Variants in GPHN observed in about 807,000 individuals in gnomAD.
GPHN encodes gephyrin.
Under a neutral mutation model 95.5 loss-of-function variants are expected in GPHN, and 17 were observed. The ratio of observed to expected loss-of-function variants is 0.18; its 90% confidence interval spans 0.12 to 0.27. The LOEUF (loss-of-function observed/expected upper bound fraction) is 0.27. GPHN is among the 10% of genes least tolerant of loss of function. GPHN has a pLI of 1.00. For missense variants in GPHN, 660 were observed against 978.1 expected (o/e 0.67, Z 4.34); for synonymous variants, 320 against 322.5 (o/e 0.99, Z 0.08).
chr14:67,146,972 G>T (rs111309519), intron 18 of GPHN, among the ~76,000 whole-genome samples: 7,733 of 152,250 alleles, frequency 0.051, 211 homozygotes, highest in Middle Eastern at 0.068. Context: ...GGTGGAGGTT[G>T]CAGTGAGCCA....
the GPHN span, chr14:67,279,278 T>C: frequency 6.2e-7 from 1 of 1,613,240 alleles, no homozygotes; most frequent in Non-Finnish European, 8.5e-7. Context: ...GAGAGATGGC[T>C]GTTGACTGCC....
rs972893969 is a variant in GPHN, at chr14:66,829,554, A to G, written c.294+4988A>G. On this transcript the variant is annotated intron_variant, in intron 4 of 22. Transcript: ENST00000478722. Reference sequence around the variant, plus strand: ...GCAATGTATGTCCAAAAAAGGTATTATTACATAAAGGATCTGTGTTTGATA... The same window carrying G: ...GCAATGTATGTCCAAAAAAGGTATTGTTACATAAAGGATCTGTGTTTGATA... Among the ~76,000 whole-genome samples the G allele has an allele frequency of 3.9e-5, 6 of 152,326 alleles. No individual in the cohort carries two copies. The East Asian group carries it at 5.8e-4, about 15-fold the overall frequency.
intron 10 of GPHN, among the ~76,000 whole-genome samples, chr14:67,054,648 A>G (rs1417918427): frequency 6.6e-6 from 1 of 152,228 alleles, no homozygotes; most frequent in Non-Finnish European, 1.5e-5. Context: ...AATGAAGACA[A>G]TCCTAAGCAA....
the GPHN span, among the ~76,000 whole-genome samples, chr14:67,289,504 A>G: frequency 6.6e-4 from 100 of 152,214 alleles, no homozygotes; most frequent in Non-Finnish European, 1.2e-3. Context: ...CCAATCTCCC[A>G]CTGATACCGA....
downstream of GPHN, among the ~76,000 whole-genome samples, chr14:67,182,981 A>T (rs962568883): frequency 6.6e-6 from 1 of 151,634 alleles, no homozygotes; most frequent in African/African-American, 2.4e-5. Context: ...AAAGTGCTGG[A>T]ATTACAGTTG....
intron 11 of GPHN, among the ~76,000 whole-genome samples, chr14:67,081,669 T>C (rs2076703156): frequency 6.6e-6 from 1 of 152,238 alleles, no homozygotes; most frequent in African/African-American, 2.4e-5. Context: ...ATGAAGTCTT[T>C]GCCTAAGCCA....
intron 10 of GPHN, among the ~76,000 whole-genome samples, chr14:67,035,312 A>G (rs995728175): frequency 6.6e-6 from 1 of 151,930 alleles, no homozygotes; most frequent in Non-Finnish European, 1.5e-5. Context: ...CAAATCAGCA[A>G]CCTAACTTTT....
chr14:67,279,610 G>A, the GPHN span: 1 of 1,384,358 alleles, frequency 7.2e-7, no homozygotes, highest in Non-Finnish European at 9.7e-7. Context: ...TATATGAGAA[G>A]GAAGAGGGTT....
intron 9 of GPHN, among the ~76,000 whole-genome samples, chr14:66,986,238 A>T (rs2071021991): frequency 6.6e-6 from 1 of 152,130 alleles, no homozygotes; most frequent in African/African-American, 2.4e-5. Flanking sequence ...ATCTTAAGAA[A>T]TTGAAAGAAA....
the GPHN span, chr14:67,585,700 C>T: frequency 7.4e-7 from 1 of 1,358,592 alleles, no homozygotes; most frequent in African/African-American, 1.4e-5. Context: ...TCTTCCTCAA[C>T]ATGGTCTTTT....
At chr14:66,805,283 A>G (rs1017307787) in intron 3 of GPHN, among the ~76,000 whole-genome samples, 7 of 152,206 alleles carry the variant, frequency 4.6e-5, no homozygotes, top group African/African-American at 1.2e-4. Flanking sequence ...ACCTGCCCCC[A>G]TGATTCAGTT....
At chr14:66,588,201 A>C (rs2061499346) in intron 1 of GPHN, among the ~76,000 whole-genome samples, 1 of 152,144 alleles carries the variant, frequency 6.6e-6, no homozygotes, top group African/African-American at 2.4e-5. Flanking sequence ...CAACATCAAC[A>C]AAAAGGATGT....
At chr14:67,225,463 C>T in the GPHN span, among the ~76,000 whole-genome samples, 1 of 152,124 alleles carries the variant, frequency 6.6e-6, no homozygotes, top group African/African-American at 2.4e-5. Flanking sequence ...AACATCAGCA[C>T]AGGGAGGAGG....
At chr14:67,467,694 C>T in the GPHN span, 7 of 152,172 alleles carry the variant, frequency 4.6e-5, no homozygotes, top group Non-Finnish European at 1.0e-4. Flanking sequence ...AAAAGGCATC[C>T]AGAAACTCAT....
the GPHN span, chr14:67,388,341 G>C: frequency 7.9e-7 from 1 of 1,261,574 alleles, no homozygotes; most frequent in Non-Finnish European, 1.2e-6. Flanking sequence ...ATTTGTGAAT[G>C]AACAAAAGGG....
At chr14:67,165,286 C>A in intron 20 of GPHN, 60 bp downstream of exon 20, 3 of 1,106,088 alleles carry the variant, frequency 2.7e-6, no homozygotes, top group Non-Finnish European at 4.2e-6. Flanking sequence ...ATTTTTTGGA[C>A]TTCTCATGTG....
At chr14:67,721,636 A>C in the GPHN span, among the ~76,000 whole-genome samples, 76 of 152,194 alleles carry the variant, frequency 5.0e-4, no homozygotes, top group African/African-American at 1.8e-3. Context: ...GGGAGATACG[A>C]ATCAGAACAG....
At chr14:67,087,690 T>G (rs954611678) in intron 11 of GPHN, among the ~76,000 whole-genome samples, 63 of 152,180 alleles carry the variant, frequency 4.1e-4, no homozygotes, top group African/African-American at 1.4e-3. Flanking sequence ...CTCTCTACAC[T>G]TACTTCTAGG....
At chr14:66,873,365 A>G (rs2153529118) in intron 4 of GPHN, among the ~76,000 whole-genome samples, 1 of 152,338 alleles carries the variant, frequency 6.6e-6, no homozygotes, top group South Asian at 2.1e-4. Flanking sequence ...GCTAGCTGCA[A>G]GAGTTTTTTT....
Sources: gnomAD v4.1 joint callset for allele counts (sites outside exome capture counted in the v4.1 genomes callset) on GRCh38, gnomAD v4.1.1 for gene constraint, MANE v1.5 for transcripts, NCBI Gene and HGNC (gene_info 2026-07-23, HGNC 2026-07-21) for gene names.